The following TMEM117 variants were observed in gnomAD, a reference collection of about 807,000 sequenced individuals.
TMEM117 encodes the protein transmembrane protein 117.
A neutral mutation model predicts 52.4 loss-of-function variants in TMEM117; 27 were observed. The observed-to-expected ratio is 0.51, with a 90% CI of 0.38 to 0.71. TMEM117 has a LOEUF of 0.71. Among genes scored for constraint, TMEM117 ranks in the 30% least tolerant of loss-of-function variants. TMEM117 has a pLI of 0.00. For synonymous variants in TMEM117, 215 were observed against 206.3 expected (o/e 1.04, Z -0.36); for missense variants, 556 against 630.5 (o/e 0.88, Z 1.26).
upstream of TMEM117, chr12:43,835,937 T>G (rs554696311): frequency 1.3e-5 from 2 of 151,722 alleles, no homozygotes; most frequent in South Asian, 2.1e-4. Flanking sequence ...CCGGTGCCCT[T>G]GCGCTCGCGT....
intron 3 of TMEM117, among the ~76,000 whole-genome samples, chr12:44,090,876 G>A (rs1449321759): frequency 7.5e-6 from 1 of 132,766 alleles, no homozygotes; most frequent in Non-Finnish European, 1.5e-5. Flanking sequence ...GCTGAGTGCA[G>A]GCATCACCTC....
intron 2 of TMEM117, among the ~76,000 whole-genome samples, chr12:43,941,116 A>G (rs1198997070): frequency 2.0e-5 from 3 of 152,106 alleles, no homozygotes; most frequent in Non-Finnish European, 2.9e-5. Context: ...CAGTCTATAT[A>G]CTCCAAGATG....
At chr12:44,330,299 CT>C (rs1951252433) in intron 6 of TMEM117, among the ~76,000 whole-genome samples, 1 of 151,756 alleles carries the variant, frequency 6.6e-6, no homozygotes, top group East Asian at 1.9e-4. Flanking sequence ...ACCTTTATTT[CT>C]AAGTTATTTG....
At chr12:44,060,613 A>G (rs185275218) in intron 3 of TMEM117, among the ~76,000 whole-genome samples, 200 of 152,290 alleles carry the variant, frequency 1.3e-3, no homozygotes, top group African/African-American at 4.5e-3. Context: ...AACAATGACA[A>G]CATTTATAGA....
chr12:44,295,191 A>G (rs1052121640), intron 5 of TMEM117, among the ~76,000 whole-genome samples: 6 of 151,716 alleles, frequency 4.0e-5, no homozygotes, highest in African/African-American at 1.5e-4. Context: ...CTCTCTTTCT[A>G]TATATATTGT....
intron 5 of TMEM117, among the ~76,000 whole-genome samples, chr12:44,271,000 G>T (rs1235458733): frequency 1.3e-5 from 2 of 151,964 alleles, no homozygotes; most frequent in Non-Finnish European, 2.9e-5. Flanking sequence ...AACCATCCCT[G>T]TTTCCTGGGT....
chr12:43,894,976 G>A (rs1191797969), intron 2 of TMEM117, among the ~76,000 whole-genome samples: 2 of 152,082 alleles, frequency 1.3e-5, no homozygotes, highest in Admixed American at 6.6e-5. Flanking sequence ...TTAATTGTGA[G>A]GATTGAACAT....
chr12:44,139,066 A>G (rs1948533025), intron 3 of TMEM117, among the ~76,000 whole-genome samples: 1 of 152,144 alleles, frequency 6.6e-6, no homozygotes. Context: ...CCCATGATTT[A>G]CTTGTGTGTG....
At chr12:43,835,073 C>G (rs1943007340), upstream of TMEM117, among the ~76,000 whole-genome samples, 1 of 152,198 alleles carries the variant, frequency 6.6e-6, no homozygotes, top group Non-Finnish European at 1.5e-5. Context: ...ATTATATACA[C>G]TAGTGATAAC....
intron 3 of TMEM117, among the ~76,000 whole-genome samples, chr12:44,054,352 T>C (rs1947018715): frequency 6.6e-6 from 1 of 152,214 alleles, no homozygotes; most frequent in South Asian, 2.1e-4. Context: ...TGGGGTCGTA[T>C]TGAGACTTCT....
intron 3 of TMEM117, among the ~76,000 whole-genome samples, chr12:44,064,433 A>T (rs193245024): frequency 6.8e-4 from 103 of 152,316 alleles, no homozygotes; most frequent in Non-Finnish European, 1.2e-3. Context: ...CCAAAATCGA[A>T]TCTTTGATTC....
chr12:44,118,584 TAG>T (rs1461507874), intron 3 of TMEM117, among the ~76,000 whole-genome samples: 1 of 152,098 alleles, frequency 6.6e-6, no homozygotes, highest in Non-Finnish European at 1.5e-5. Flanking sequence ...TGACGAGAAG[TAG>T]AGAGATTGTA....
At position 44,152,401 on chromosome 12, in the gene TMEM117, T is replaced by G. The variant is rs1592561959; in HGVS notation, c.510+8777T>G. 3.7e-5 allele frequency among the ~76,000 whole-genome samples: 4 copies of G among 108,932 alleles called. No individual in the cohort carries two copies. In the South Asian group the frequency reaches 1.3e-3, roughly 34 times the overall value. The allele number at this position is 108,932 out of a possible 152,430, so 71.5% of individuals were successfully genotyped here. On this transcript the variant is annotated intron_variant, in intron 4 of 7. Transcript: ENST00000266534. ...AAATTTATATATTTATATATAATAT[T>G]TATATCATATATAAATTTCTATATT... is the stretch of plus-strand genomic sequence containing the variant.
chr12:44,349,683 T>C (rs1444286000), intron 6 of TMEM117, among the ~76,000 whole-genome samples: 1 of 152,068 alleles, frequency 6.6e-6, no homozygotes, highest in East Asian at 1.9e-4. Flanking sequence ...CCCTGAGGGC[T>C]TAACCTGTCA....
At chr12:44,282,242 C>T (rs780994037) in intron 5 of TMEM117, among the ~76,000 whole-genome samples, 25 of 152,026 alleles carry the variant, frequency 1.6e-4, no homozygotes, top group Non-Finnish European at 2.9e-4. Context: ...CAGTGTCAGA[C>T]TAATACAGTA....
chr12:44,145,201 A>G (rs1043377681), intron 4 of TMEM117, among the ~76,000 whole-genome samples: 3 of 152,188 alleles, frequency 2.0e-5, no homozygotes, highest in African/African-American at 7.2e-5. Context: ...CATTGGAAAA[A>G]GCTTTTTAGG....
intron 3 of TMEM117, among the ~76,000 whole-genome samples, chr12:43,978,378 G>A (rs1945706766): frequency 1.3e-5 from 2 of 152,164 alleles, no homozygotes; most frequent in Non-Finnish European, 2.9e-5. Context: ...AGAGTAAGCA[G>A]AGTCATTAAT....
chr12:44,085,800 A>G (rs1287079759), intron 3 of TMEM117, among the ~76,000 whole-genome samples: 1 of 152,222 alleles, frequency 6.6e-6, no homozygotes, highest in Non-Finnish European at 1.5e-5. Context: ...CATAACAATT[A>G]CAAAATGTAT....
chr12:44,019,927 A>G (rs1472052188), intron 3 of TMEM117, among the ~76,000 whole-genome samples: 1 of 152,196 alleles, frequency 6.6e-6, no homozygotes, highest in Non-Finnish European at 1.5e-5. Flanking sequence ...AAACAGAATG[A>G]AAGGTCTGTT....
Sources: gnomAD v4.1 joint callset for allele counts (sites outside exome capture counted in the v4.1 genomes callset) on GRCh38, gnomAD v4.1.1 for gene constraint, MANE v1.5 for transcripts, NCBI Gene and HGNC (gene_info 2026-07-23, HGNC 2026-07-21) for gene names.